FOXN3: variants seen among roughly 807,000 people sequenced by gnomAD.
The protein encoded by FOXN3 is forkhead box N3.
In FOXN3, 7 loss-of-function variants were observed where a neutral mutation model predicts 38.4. The observed-to-expected ratio is 0.18, with a 90% CI of 0.10 to 0.34. The LOEUF is 0.34. FOXN3 is among the 10% of genes least tolerant of loss of function. FOXN3 has a pLI of 1.00. For missense variants in FOXN3, 456 were observed against 613.4 expected (o/e 0.74, Z 2.71); for synonymous variants, 230 against 242.2 (o/e 0.95, Z 0.47).
intron 4 of FOXN3, among the ~76,000 whole-genome samples, chr14:89,280,158 C>T (rs796311505): frequency 2.6e-5 from 4 of 152,320 alleles, no homozygotes; most frequent in African/African-American, 9.6e-5. Context: ...GCCCCGGGAA[C>T]CACTCAATTC....
chr14:89,494,677 C>A (rs1314411260), intron 1 of FOXN3, among the ~76,000 whole-genome samples: 4 of 152,222 alleles, frequency 2.6e-5, no homozygotes, highest in Admixed American at 2.0e-4. Flanking sequence ...GGAGGCCTTG[C>A]AAACTTTCTG....
intron 2 of FOXN3, among the ~76,000 whole-genome samples, chr14:89,399,599 T>TA (rs1315536332): frequency 6.6e-6 from 1 of 152,176 alleles, no homozygotes; most frequent in African/African-American, 2.4e-5. Flanking sequence ...TCCTTTGAGC[T>TA]AAACTAAATA....
At chr14:89,618,754 T>A (rs1222922694) in intron 1 of FOXN3, among the ~76,000 whole-genome samples, 1 of 150,956 alleles carries the variant, frequency 6.6e-6, no homozygotes, top group African/African-American at 2.4e-5. Flanking sequence ...AAAAAGCGAC[T>A]ATCCACACAT....
chr14:89,595,351 A>C (rs1295291729), intron 1 of FOXN3, among the ~76,000 whole-genome samples: 1 of 151,940 alleles, frequency 6.6e-6, no homozygotes, highest in African/African-American at 2.4e-5. Flanking sequence ...TAAGTCTTCC[A>C]TCTCATAAAC....
intron 4 of FOXN3, among the ~76,000 whole-genome samples, chr14:89,222,323 A>C (rs1169631785): frequency 6.6e-6 from 1 of 152,216 alleles, no homozygotes; most frequent in African/African-American, 2.4e-5. Flanking sequence ...CTGGTCCCCC[A>C]AGACAGGAAA....
At chr14:89,525,253 G>T (rs1048525223) in intron 1 of FOXN3, among the ~76,000 whole-genome samples, 1 of 151,412 alleles carries the variant, frequency 6.6e-6, no homozygotes, top group East Asian at 1.9e-4. Flanking sequence ...AATAAAACAG[G>T]TTGCAGTAAA....
intron 1 of FOXN3, among the ~76,000 whole-genome samples, chr14:89,495,581 A>G (rs1893663508): frequency 6.6e-6 from 1 of 152,214 alleles, no homozygotes; most frequent in Non-Finnish European, 1.5e-5. Flanking sequence ...CCCTTTAACT[A>G]ATCACAACCA....
At chr14:89,510,173 C>A (rs929900412) in intron 1 of FOXN3, among the ~76,000 whole-genome samples, 2 of 152,140 alleles carry the variant, frequency 1.3e-5, no homozygotes, top group Admixed American at 1.3e-4. Context: ...CACATGAAAA[C>A]CCTGAGGCTC....
At chr14:89,196,049 C>A (rs1408840008) in intron 4 of FOXN3, among the ~76,000 whole-genome samples, 1 of 152,176 alleles carries the variant, frequency 6.6e-6, no homozygotes. Context: ...GTTACTTCTC[C>A]TCTGGACCGG....
chr14:89,575,777 C>T (rs1197478339), intron 1 of FOXN3, among the ~76,000 whole-genome samples: 1 of 152,232 alleles, frequency 6.6e-6, no homozygotes, highest in East Asian at 1.9e-4. Context: ...CCCCAGTTCA[C>T]GCTTTTGTCT....
chr14:89,547,605 G>C (rs1894912675), intron 1 of FOXN3, among the ~76,000 whole-genome samples: 1 of 152,042 alleles, frequency 6.6e-6, no homozygotes, highest in Non-Finnish European at 1.5e-5. Context: ...GCTTCTTTCA[G>C]ATTTATTGAT....
intron 4 of FOXN3, among the ~76,000 whole-genome samples, chr14:89,213,746 G>A (rs1266519916): frequency 6.6e-6 from 1 of 152,202 alleles, no homozygotes; most frequent in African/African-American, 2.4e-5. Flanking sequence ...TTTCCCATTT[G>A]TCCTGGGGGA....
rs137861019 is a variant in FOXN3 at position 89,403,769 on chromosome 14, G to C, written c.543+8165C>G. 6.8e-3 allele frequency among the ~76,000 whole-genome samples: 1,033 copies of C among 152,312 alleles called. 8 individuals are homozygous for C. Among genetic ancestry groups the C allele is most frequent in the African/African-American group, 0.023 (965 of 41,558 alleles). On this transcript the variant is annotated intron_variant, in intron 2 of 5. Transcript: ENST00000557258. ...GAGATACTGGACAGATACATTGATA[G>C]GGCCCTCGGGCCCAGAAGCTTTCCC...
At chr14:89,500,454 T>A (rs957739477) in intron 1 of FOXN3, among the ~76,000 whole-genome samples, 3 of 152,172 alleles carry the variant, frequency 2.0e-5, no homozygotes, top group Non-Finnish European at 1.5e-5. Flanking sequence ...ACTGATGACA[T>A]CAGCCTTATT....
intron 3 of FOXN3, among the ~76,000 whole-genome samples, chr14:89,325,214 G>GCACCACCACCACCACCACCACCAC (rs756831446): frequency 5.0e-5 from 7 of 140,130 alleles, no homozygotes; most frequent in Non-Finnish European, 9.3e-5. Flanking sequence ...CAACACACAT[G>GCACCACCACCACCACCACCACCAC]CACCACCACC....
At chr14:89,425,560 T>G (rs1892009668) in intron 1 of FOXN3, among the ~76,000 whole-genome samples, 1 of 151,280 alleles carries the variant, frequency 6.6e-6, no homozygotes. Flanking sequence ...GACACGGGGT[T>G]GAGCATGTTG....
intron 3 of FOXN3, among the ~76,000 whole-genome samples, chr14:89,339,388 C>A (rs1371673372): frequency 1.3e-5 from 2 of 152,158 alleles, no homozygotes; most frequent in Admixed American, 6.5e-5. Flanking sequence ...GAGGCTCTAA[C>A]CTGAGCCTCT....
chr14:89,422,729 C>T (rs1891941162), intron 1 of FOXN3, among the ~76,000 whole-genome samples: 1 of 152,098 alleles, frequency 6.6e-6, no homozygotes, highest in Admixed American at 6.6e-5. Flanking sequence ...TCCTTTTGTG[C>T]CTTCTTGCTG....
chr14:89,391,440 C>T (rs1021755122), intron 2 of FOXN3, among the ~76,000 whole-genome samples: 1 of 152,208 alleles, frequency 6.6e-6, no homozygotes, highest in African/African-American at 2.4e-5. Flanking sequence ...CCAACTTGGG[C>T]ATTCACAGTT....
Sources: gnomAD v4.1 joint callset for allele counts (sites outside exome capture counted in the v4.1 genomes callset) on GRCh38, gnomAD v4.1.1 for gene constraint, MANE v1.5 for transcripts, NCBI Gene and HGNC (gene_info 2026-07-23, HGNC 2026-07-21) for gene names.